ARHGAP24: variants seen among roughly 807,000 people sequenced by gnomAD.
ARHGAP24 encodes the protein rho GTPase-activating protein 24.
In ARHGAP24, 50 loss-of-function variants were observed where a neutral mutation model predicts 76.4. The ratio of observed to expected loss-of-function variants is 0.65; its 90% CI spans 0.52 to 0.83. The LOEUF is 0.83. Among genes scored for constraint, ARHGAP24 ranks in the 40% least tolerant of loss-of-function variants. The pLI, the probability that ARHGAP24 is intolerant of heterozygous loss-of-function variation, is 0.00. For missense variants in ARHGAP24, 930 were observed against 914.2 expected (o/e 1.02, Z -0.22); for synonymous variants, 345 against 323.3 (o/e 1.07, Z -0.72).
At chr4:85,976,269 T>C (rs536221745) in intron 7 of ARHGAP24, among the ~76,000 whole-genome samples, 1 of 152,326 alleles carries the variant, frequency 6.6e-6, no homozygotes, top group East Asian at 1.9e-4. Context: ...TGTATAACAG[T>C]AGTGAATGTG....
At chr4:85,745,419 A>G (rs947293752) in intron 3 of ARHGAP24, among the ~76,000 whole-genome samples, 21 of 146,364 alleles carry the variant, frequency 1.4e-4, no homozygotes, top group Non-Finnish European at 2.4e-4. Context: ...ATATATACAT[A>G]TATATAATAT....
chr4:85,855,810 G>A (rs1267262242), intron 3 of ARHGAP24, among the ~76,000 whole-genome samples: 1 of 151,018 alleles, frequency 6.6e-6, no homozygotes, highest in African/African-American at 2.4e-5. Context: ...CCATCATTCT[G>A]TTTAGAAAAG....
At chr4:85,624,086 C>T (rs138518509) in intron 2 of ARHGAP24, among the ~76,000 whole-genome samples, 2 of 152,120 alleles carry the variant, frequency 1.3e-5, no homozygotes, top group African/African-American at 4.8e-5. Context: ...ATTTCCTTCT[C>T]CTGAGTGATT....
chr4:85,950,624 T>TTTTTTC (rs1212194855), intron 5 of ARHGAP24, among the ~76,000 whole-genome samples: 179 of 152,048 alleles, frequency 1.2e-3, no homozygotes, highest in African/African-American at 4.0e-3. Context: ...TATAATAATT[T>TTTTTTC]TTTTTCTTTT....
At chr4:85,968,498 T>C (rs1055303573) in intron 5 of ARHGAP24, among the ~76,000 whole-genome samples, 1 of 152,148 alleles carries the variant, frequency 6.6e-6, no homozygotes, top group Non-Finnish European at 1.5e-5. Flanking sequence ...GAAGTAAATA[T>C]TAATTTGGCA....
rs562724721 is a variant in ARHGAP24 at position 85,628,061 on chromosome 4, C to T, written c.180+57340C>T. On this transcript the variant is annotated intron_variant, in intron 2 of 9. Transcript: ENST00000395184. ...ATGCCTCGCCCTGCTTCGGCTTGCA[C>T]ATGGTGTGCCGCACCCACTTTCCTG... Among the ~76,000 whole-genome samples, 28 of 152,290 alleles carry T rather than the reference C, an allele frequency of 1.8e-4. No homozygotes were observed. The East Asian group carries it at 4.8e-3, about 26-fold the overall frequency.
At chr4:85,938,264 T>C (rs550805904) in intron 4 of ARHGAP24, among the ~76,000 whole-genome samples, 166 of 152,300 alleles carry the variant, frequency 1.1e-3, no homozygotes, top group Admixed American at 3.6e-3. Flanking sequence ...CCAGAAATAC[T>C]GGGGACGGTT....
chr4:85,961,304 T>TGTTCCAG (rs1553947802), intron 5 of ARHGAP24, among the ~76,000 whole-genome samples: 2 of 20,748 alleles, frequency 9.6e-5, no homozygotes, highest in Non-Finnish European at 1.5e-4. Context: ...ATTGTTGAAG[T>TGTTCCAG]AAAAGGGACA....
chr4:85,666,808 C>A (rs900232408), intron 2 of ARHGAP24, among the ~76,000 whole-genome samples: 1 of 152,154 alleles, frequency 6.6e-6, no homozygotes, highest in Non-Finnish European at 1.5e-5. Context: ...TGCAGCACAG[C>A]AGATTTTCGT....
chr4:85,939,589 T>G (rs961077866), intron 4 of ARHGAP24, among the ~76,000 whole-genome samples: 1 of 152,148 alleles, frequency 6.6e-6, no homozygotes, highest in Non-Finnish European at 1.5e-5. Context: ...AGTTTTAAAG[T>G]AAATTCTCAT....
At chr4:85,741,461 G>A (rs1725825077) in intron 3 of ARHGAP24, among the ~76,000 whole-genome samples, 1 of 152,174 alleles carries the variant, frequency 6.6e-6, no homozygotes. Context: ...ATCATTATAT[G>A]TGTTAAACTT....
chr4:85,587,226 T>C (rs985673566), intron 2 of ARHGAP24, among the ~76,000 whole-genome samples: 1 of 152,312 alleles, frequency 6.6e-6, no homozygotes, highest in African/African-American at 2.4e-5. Context: ...TATTCCTTAA[T>C]TGACCCAACA....
At chr4:85,616,527 T>C (rs1720542239) in intron 2 of ARHGAP24, among the ~76,000 whole-genome samples, 1 of 152,152 alleles carries the variant, frequency 6.6e-6, no homozygotes, top group African/African-American at 2.4e-5. Flanking sequence ...TCTAGAAAAA[T>C]AGAAGTTACA....
At chr4:85,853,687 G>C (rs1731376397) in intron 3 of ARHGAP24, among the ~76,000 whole-genome samples, 1 of 152,140 alleles carries the variant, frequency 6.6e-6, no homozygotes, top group South Asian at 2.1e-4. Context: ...AGCACTTTGA[G>C]AGGCCAAGGT....
At chr4:85,887,040 C>T (rs898667610) in intron 3 of ARHGAP24, among the ~76,000 whole-genome samples, 52 of 152,020 alleles carry the variant, frequency 3.4e-4, no homozygotes, top group Non-Finnish European at 6.3e-4. Flanking sequence ...TAAATAGTTA[C>T]GATATGGCAA....
At chr4:85,612,184 C>G (rs563389534) in intron 2 of ARHGAP24, among the ~76,000 whole-genome samples, 280 of 139,386 alleles carry the variant, frequency 2.0e-3, no homozygotes, top group African/African-American at 7.2e-3. Context: ...TTTGGGAGGC[C>G]GAGGCGGGTG....
chr4:85,989,091 A>C (rs916383478), intron 8 of ARHGAP24, among the ~76,000 whole-genome samples: 1 of 151,620 alleles, frequency 6.6e-6, no homozygotes, highest in Non-Finnish European at 1.5e-5. Flanking sequence ...CAATCTAGAA[A>C]ACCAGTGAAA....
intron 3 of ARHGAP24, among the ~76,000 whole-genome samples, chr4:85,736,834 G>A (rs1725624332): frequency 6.6e-6 from 1 of 152,160 alleles, no homozygotes; most frequent in South Asian, 2.1e-4. Context: ...GTGAATGTCT[G>A]TAAACTAGTG....
intron 3 of ARHGAP24, among the ~76,000 whole-genome samples, chr4:85,726,605 G>A (rs149937639): frequency 1.1e-4 from 17 of 152,246 alleles, no homozygotes; most frequent in Non-Finnish European, 2.1e-4. Flanking sequence ...TTCCTGCTGC[G>A]TTGTAGAACA....
Sources: allele counts gnomAD v4.1 joint callset (sites outside exome capture counted in the v4.1 genomes callset), GRCh38; gene constraint gnomAD v4.1.1; transcripts MANE v1.5; gene names NCBI Gene and HGNC (gene_info 2026-07-23, HGNC 2026-07-21).